GRTP1: variants seen among roughly 807,000 people sequenced by gnomAD.
GRTP1 encodes the protein growth hormone regulated TBC protein 1, also known as growth hormone-regulated TBC protein 1.
In GRTP1, 56 loss-of-function variants were observed where a neutral mutation model predicts 38.1. The observed-to-expected ratio is 1.47, with a 90% CI of 1.19 to 1.84. GRTP1 has a LOEUF of 1.84. Ranked by LOEUF, GRTP1 falls within the 40% of genes most tolerant of loss-of-function variation. GRTP1 has a pLI of 0.00. For missense variants in GRTP1, 506 were observed against 453.9 expected (o/e 1.11, Z -1.04); for synonymous variants, 217 against 189.5 (o/e 1.14, Z -1.19).
chr13:113,352,337 T>TTATATATATTTTTATATATATTTTA (rs2043295719), intron 3 of GRTP1, among the ~76,000 whole-genome samples: 35 of 51,524 alleles, frequency 6.8e-4, no homozygotes, highest in Non-Finnish European at 1.0e-3. Context: ...TATATATATT[T>TTATATATATTTTTATATATATTTTA]TATATATATA....
At chr13:113,347,453 C>CGGG (rs1566432137) in intron 4 of GRTP1, among the ~76,000 whole-genome samples, 7 of 102,216 alleles carry the variant, frequency 6.8e-5, no homozygotes, top group East Asian at 4.9e-4. Flanking sequence ...AGAGCAGACC[C>CGGG]AGGAGGATCT....
At chr13:113,328,363 C>T (rs1300309986) in intron 5 of GRTP1, among the ~76,000 whole-genome samples, 11 of 152,220 alleles carry the variant, frequency 7.2e-5, no homozygotes, top group East Asian at 3.9e-4. Context: ...TGGCCACAGG[C>T]GTCTGCACAT....
intron 2 of GRTP1, among the ~76,000 whole-genome samples, chr13:113,358,451 A>T (rs1344364891): frequency 6.6e-6 from 1 of 152,226 alleles, no homozygotes; most frequent in East Asian, 1.9e-4. Flanking sequence ...CCAGGAAAAA[A>T]TACTTTGTAG....
chr13:113,339,950 A>G (rs2043003605), intron 5 of GRTP1: 1 of 152,224 alleles, frequency 6.6e-6, no homozygotes, highest in African/African-American at 2.4e-5. Context: ...TGTGAAGGCT[A>G]TACTAGCTTC....
At chr13:113,357,712 A>G (rs1646710078) in intron 2 of GRTP1, among the ~76,000 whole-genome samples, 1 of 152,220 alleles carries the variant, frequency 6.6e-6, no homozygotes, top group South Asian at 2.1e-4. Flanking sequence ...CAGCTTGACC[A>G]GGAATGCTCT....
In GRTP1 at chr13:113,343,625, C is replaced by A. The variant is rs7332062; in HGVS notation, c.562+1238G>T. On this transcript the variant is annotated intron_variant, in intron 5 of 7. Coordinates refer to ENST00000375431, the MANE Select transcript of GRTP1 (RefSeq NM_024719.4). This position sits in a 1 kb window ranked among gnomAD's most constrained non-coding sequence, Gnocchi z 4.8. ...AGGCCAGCACGCAAATTCTCCCGGC[C>A]TTCGGTGTCCTCACCCTGGAAATGG... Among the ~76,000 whole-genome samples, 1 of 152,132 alleles carries A rather than the reference C, an allele frequency of 6.6e-6. No individual in the cohort carries two copies. Among genetic ancestry groups the A allele is most frequent in the African/African-American group, 2.4e-5 (1 of 41,410 alleles).
chr13:113,333,315 GAACCACAGAA>G (rs2042903411), intron 5 of GRTP1, among the ~76,000 whole-genome samples: 1 of 152,094 alleles, frequency 6.6e-6, no homozygotes, highest in South Asian at 2.1e-4. Flanking sequence ...TGCACATGGC[GAACCACAGAA>G]AACAGCACAG....
intron 1 of GRTP1, 53 bp from the exon 2 acceptor site, chr13:113,363,963 C>T: frequency 6.4e-7 from 1 of 1,558,326 alleles, no homozygotes; most frequent in Non-Finnish European, 8.7e-7. Context: ...TCTGGGGGGT[C>T]GCGGGCCCGC....
rs113335836 is a variant in GRTP1 at position 113,324,237 on chromosome 13, C to CA, written c.*250dup. The CA allele has an allele frequency of 0.011, 4,785 of 448,218 alleles. 213 individuals carry two copies. The highest frequency in any genetic ancestry group is 0.088 in the African/African-American group (4,320 of 49,324). 27.8% of individuals were successfully genotyped at this position (448,218 alleles called of 1,614,324 possible). A position where few individuals can be genotyped will look rare whatever the true frequency, so the allele number is the denominator to read the frequency against. On this transcript the variant is annotated 3_prime_UTR_variant, in exon 8 of 8. Coordinates refer to ENST00000375431, the MANE Select transcript of GRTP1 (RefSeq NM_024719.4). The stretch of plus-strand genomic sequence containing the variant: ...ACTTTATTAGATACAAACCCACACT[C>CA]ACATTTTATATATTATTGATCTCTC...
chr13:113,355,476 G>T lies in GRTP1; in HGVS notation c.187C>A (p.Arg63Ser), dbSNP rs559088690. 1.1e-4 allele frequency: 170 copies of T among 1,608,728 alleles called. No individual in the cohort carries two copies. In the African/African-American group the frequency reaches 2.1e-3, roughly 20 times the overall value. The change falls in exon 3 of 8, where the codon CGC becomes AGC. Residue 63 changes from arginine (R) to serine (S), a missense_variant. Arg to Ser is a moderately radical substitution (Grantham distance 110). Transcript: ENST00000375431. ...AGCGGGACCCCTTTCCGGACATAGC[G>T]CTTCACTGAAGGCCGAGAGGACGGA... ...GGVPRSRTVK[R>S]YVRKGVPLEH...
intron 5 of GRTP1, among the ~76,000 whole-genome samples, chr13:113,326,374 C>CGTT (rs2042770452): frequency 4.3e-3 from 3 of 700 alleles, no homozygotes; most frequent in African/African-American, 0.012. Flanking sequence ...GAGGGTGGCG[C>CGTT]GGTGGGGGGG....
At chr13:113,353,488 G>A (rs1595507955) in intron 3 of GRTP1, among the ~76,000 whole-genome samples, 2 of 152,244 alleles carry the variant, frequency 1.3e-5, no homozygotes, top group African/African-American at 4.8e-5. Context: ...ACTGAGGCGA[G>A]GGAAAGGACC....
At chr13:113,352,956 C>G (rs1431569364) in intron 3 of GRTP1, among the ~76,000 whole-genome samples, 4 of 151,410 alleles carry the variant, frequency 2.6e-5, no homozygotes, top group African/African-American at 9.7e-5. Context: ...GAGCCCACAG[C>G]TGAAAGCAGG....
intron 2 of GRTP1, chr13:113,355,709 C>T (rs1232059864): frequency 2.5e-6 from 1 of 404,374 alleles, no homozygotes; most frequent in Non-Finnish European, 4.3e-6. Flanking sequence ...GAACCGCCCC[C>T]ACGCCCACTT....
At position 113,343,386 on chromosome 13, in the gene GRTP1, C is replaced by T. The variant is rs988380064; in HGVS notation, c.562+1477G>A. On this transcript the variant is annotated intron_variant, in intron 5 of 7. Coordinates refer to ENST00000375431, the MANE Select transcript of GRTP1 (RefSeq NM_024719.4). The surrounding 1 kb of genome is among the most constrained non-coding windows in gnomAD (Gnocchi z 4.8). ...CCGGGTCAACAGCTCTTCCCACTCC[C>T]GGGAGCTCTGTGGGGTTCCCTTCCT... Among the ~76,000 whole-genome samples the T allele has an allele frequency of 2.0e-5, 3 of 152,182 alleles. No homozygotes were observed. The highest frequency in any genetic ancestry group is 2.9e-5 in the Non-Finnish European group (2 of 68,044).
At position 113,324,413 on chromosome 13, in the gene GRTP1, G is replaced by A. The variant is rs2042728708; in HGVS notation, c.*75C>T. 6.9e-7 allele frequency: 1 copy of A among 1,441,620 alleles called. No individual in the cohort carries two copies. The highest frequency in any genetic ancestry group is 9.2e-7 in the Non-Finnish European group (1 of 1,092,648). The allele number at this position is 1,441,620 out of a possible 1,614,324, so 89.3% of individuals were successfully genotyped here. On this transcript the variant is annotated 3_prime_UTR_variant, in exon 8 of 8. Coordinates refer to ENST00000375431, the MANE Select transcript of GRTP1 (RefSeq NM_024719.4). ...TTACAACACTAAAAAGGAAAGCAGTGAAAGTTGGTCCAGTGTCAACTCTGG... is the reference window on the plus strand; with the variant it reads ...TTACAACACTAAAAAGGAAAGCAGTAAAAGTTGGTCCAGTGTCAACTCTGG...
At position 113,350,928 on chromosome 13, in the gene GRTP1, G is replaced by A. The variant is rs1368963509; in HGVS notation, c.386C>T (p.Thr129Met). 7 of 1,613,488 alleles carry A rather than the reference G, an allele frequency of 4.3e-6. No homozygotes were observed. The highest frequency in any genetic ancestry group is 2.2e-5 in the South Asian group (2 of 91,072). Residue 129 changes from threonine (T) to methionine (M), a missense_variant, in exon 4 of 8, where the codon ACG becomes ATG. Thr to Met is a moderately conservative substitution (Grantham distance 81). Coordinates refer to ENST00000375431, the MANE Select transcript of GRTP1 (RefSeq NM_024719.4). Reference protein sequence around the residue: ...FPDNVKFRKTTDPCLQRTLYN... With the variant: ...FPDNVKFRKTMDPCLQRTLYN... Reference sequence around the variant, plus strand: ...CAGGGTCCTCTGTAAGCAGGGGTCCGTGGTCTTCCGGAACTTCACGTTGTC... The same window carrying A: ...CAGGGTCCTCTGTAAGCAGGGGTCCATGGTCTTCCGGAACTTCACGTTGTC...
At chr13:113,344,312 C>A (rs1023468208) in intron 5 of GRTP1, among the ~76,000 whole-genome samples, 1 of 152,210 alleles carries the variant, frequency 6.6e-6, no homozygotes, top group South Asian at 2.1e-4. Flanking sequence ...TAAGAGACGG[C>A]AAAAGGCCCT....
intron 4 of GRTP1, among the ~76,000 whole-genome samples, chr13:113,346,995 T>C (rs868440825): frequency 0.051 from 23 of 452 alleles, 7 homozygotes; most frequent in East Asian, 0.33. Context: ...CCTCTGTGGC[T>C]GAGAGCGGAC....
Sources: allele counts gnomAD v4.1 joint callset (sites outside exome capture counted in the v4.1 genomes callset), GRCh38; gene constraint gnomAD v4.1.1; non-coding constraint Gnocchi (gnomAD v3.1); transcripts MANE v1.5; gene names NCBI Gene and HGNC (gene_info 2026-07-23, HGNC 2026-07-21).